Variants in EPHA2 observed in about 807,000 individuals in gnomAD.
EPHA2 encodes the protein EPH receptor A2, also known as ephrin type-A receptor 2.
EPHA2 carries 54 observed loss-of-function variants against 104.9 expected under a neutral mutation model. That is an observed-to-expected ratio of 0.51 (90% CI 0.41 to 0.65). EPHA2 has a LOEUF of 0.65. Among genes scored for constraint, EPHA2 ranks in the 30% least tolerant of loss-of-function variants. The pLI is 0.00. For missense variants in EPHA2, 1,117 were observed against 1,369.5 expected (o/e 0.82, Z 2.91); for synonymous variants, 560 against 559.1 (o/e 1.00, Z -0.02).
At chr1:16,137,733 TG>T in intron 5 of EPHA2, 119 bp downstream of exon 5, 1 of 1,225,756 alleles carries the variant, frequency 8.2e-7, no homozygotes, top group African/African-American at 1.5e-5. Flanking sequence ...CTAGACACTG[TG>T]CCTTTAACCA....
In EPHA2 at chr1:16,148,463, G is replaced by A. The variant is rs772677188; in HGVS notation, c.738C>T (p.His246=). ...VPPGGEEPRM[H]CAVDGEWLVP... is the part of the protein sequence containing the mutation. ...CCAGCCACTCGCCATCCACTGCACAGTGCATACGGGGCTCTTCACCCCCCG... is the reference window on the plus strand; with the variant it reads ...CCAGCCACTCGCCATCCACTGCACAATGCATACGGGGCTCTTCACCCCCCG... Residue 246 remains histidine, a synonymous_variant, in exon 3 of 17, where the codon CAC becomes CAT. Transcript: ENST00000358432. The surrounding 1 kb of genome is among the most constrained non-coding windows in gnomAD (Gnocchi z 4.9). 6 of 1,613,904 alleles carry A rather than the reference G, an allele frequency of 3.7e-6. No individual in the cohort carries two copies. Among genetic ancestry groups the A allele is most frequent in the Admixed American group, 3.3e-5 (2 of 60,032 alleles).
chr1:16,153,852 A>C (rs886286060), intron 1 of EPHA2, among the ~76,000 whole-genome samples: 64 of 151,972 alleles, frequency 4.2e-4, no homozygotes, highest in Non-Finnish European at 3.2e-4. Flanking sequence ...CCCACCACAT[A>C]CAGCCTGATT....
At chr1:16,140,984 C>T (rs1231555579) in intron 3 of EPHA2, among the ~76,000 whole-genome samples, 3 of 152,194 alleles carry the variant, frequency 2.0e-5, no homozygotes, top group Non-Finnish European at 4.4e-5. Flanking sequence ...CCTCCCACCT[C>T]GACTTCCCAC....
Position 16,138,154 on chromosome 1 carries a change from G to T in EPHA2, c.1011C>A (p.Ala337=). 6.2e-7 allele frequency: 1 copy of T among 1,609,108 alleles called. No individual in the cohort carries two copies. The highest frequency in any genetic ancestry group is 8.5e-7 in the Non-Finnish European group (1 of 1,179,872). ...GCTCCACCTTGGCACCCATGCCCAC[G>T]GCTGTGAGGTAGTGTGGGGCGGAGG... is the stretch of plus-strand genomic sequence containing the variant. ...RPPSAPHYLT[A]VGMGAKVELR... Residue 337 remains alanine, a synonymous_variant, in exon 5 of 17, where the codon GCC becomes GCA. Coordinates refer to ENST00000358432, the MANE Select transcript of EPHA2 (RefSeq NM_004431.5).
intron 1 of EPHA2, among the ~76,000 whole-genome samples, chr1:16,152,287 G>A (rs547085408): frequency 6.9e-4 from 105 of 152,290 alleles, no homozygotes; most frequent in African/African-American, 2.5e-3. Flanking sequence ...GATGGGAGCT[G>A]GGCTCTGAGG....
intron 5 of EPHA2, 148 bp downstream of exon 5, chr1:16,137,705 G>C (rs905678739): frequency 1.1e-5 from 10 of 891,502 alleles, no homozygotes; most frequent in Non-Finnish European, 1.7e-5. Flanking sequence ...TGTGGCCCAC[G>C]GGTTGGACAA....
Position 16,148,487 on chromosome 1 carries a change from C to T in EPHA2, c.714G>A (p.Pro238=), listed in dbSNP as rs36037949. ...AGTGCATACGGGGCTCTTCACCCCC[C>T]GGTGGCACCACGGCATGGTCCACAC... ...GTCVDHAVVP[P]GGEEPRMHCA... is the part of the protein sequence containing the mutation. The change falls in exon 3 of 17, where the codon CCG becomes CCA. Residue 238 remains proline (P), a synonymous_variant. Transcript: ENST00000358432. The surrounding 1 kb of genome is among the most constrained non-coding windows in gnomAD (Gnocchi z 4.9). 54 of 1,613,852 alleles carry T rather than the reference C, an allele frequency of 3.3e-5. No individual in the cohort carries two copies. The highest frequency in any genetic ancestry group is 2.2e-4 in the East Asian group (10 of 44,892).
chr1:16,149,467 C>A (rs1207062937), intron 2 of EPHA2, among the ~76,000 whole-genome samples: 1 of 152,216 alleles, frequency 6.6e-6, no homozygotes, highest in Non-Finnish European at 1.5e-5. Context: ...TACGGGCAGC[C>A]AGTATGATTA....
chr1:16,150,804 G>C lies in EPHA2; in HGVS notation c.153+92C>G, dbSNP rs2025019553. 1 of 1,414,974 alleles carries C rather than the reference G, an allele frequency of 7.1e-7. No homozygotes were observed. The highest frequency in any genetic ancestry group is 1.4e-5 in the African/African-American group (1 of 70,980). 87.7% of individuals were successfully genotyped at this position (1,414,974 alleles called of 1,614,324 possible). The stretch of plus-strand genomic sequence containing the variant: ...GGCTGAGCTGCTGAATTGAAGCCAG[G>C]CCCCACGCTCCCTGGGCCTCAGTTT... On this transcript the variant is annotated intron_variant, in intron 2 of 16. Coordinates refer to ENST00000358432, the MANE Select transcript of EPHA2 (RefSeq NM_004431.5). This position sits in a 1 kb window ranked among gnomAD's most constrained non-coding sequence, Gnocchi z 4.8.
rs2024515562 is a variant in EPHA2 at position 16,128,734 on chromosome 1, AG to A, written c.2825+699del. Among the ~76,000 whole-genome samples, 1 of 152,162 alleles carries A rather than the reference AG, an allele frequency of 6.6e-6. No homozygotes were observed. The highest frequency in any genetic ancestry group is 6.5e-5 in the Admixed American group (1 of 15,282). On this transcript the variant is annotated intron_variant, in intron 16 of 16. Coordinates refer to ENST00000358432, the MANE Select transcript of EPHA2 (RefSeq NM_004431.5). This position sits in a 1 kb window ranked among gnomAD's most constrained non-coding sequence, Gnocchi z 4.7. ...GTTGGGAAGGGGAGAAGAGCTGCCA[AG>A]GGGCAGCTTGACAAAGGGGCAAACC...
intron 3 of EPHA2, among the ~76,000 whole-genome samples, chr1:16,141,379 A>G (rs2024821611): frequency 6.6e-6 from 1 of 152,228 alleles, no homozygotes; most frequent in Non-Finnish European, 1.5e-5. Context: ...ATCCCTCCCC[A>G]TAACATATCT....
At chr1:16,132,538 T>C (rs1308246715) in intron 11 of EPHA2, 99 bp from the exon 12 acceptor site, 1 of 1,257,876 alleles carries the variant, frequency 7.9e-7, no homozygotes, top group East Asian at 2.5e-5. Context: ...GTAGGAGAGG[T>C]GGGCACAGGT....
chr1:16,133,198 C>A lies in EPHA2; in HGVS notation c.2035G>T (p.Glu679Ter). ...QFSHHNIIRL[E>*]GVISKYKPMM... ...GCCTCACATTTGGAGATGACGCCCT[C>A]TAGGCGGATGATGTTGTGGTGGCTG... Residue 679 changes from glutamate (E) to a stop codon, truncating the protein, a stop_gained, in exon 11 of 17, where the codon GAG (glutamate) becomes TAG (stop). Transcript: ENST00000358432. LOFTEE classifies it high-confidence loss of function. The A allele has an allele frequency of 6.2e-7, 1 of 1,613,632 alleles. No homozygotes were observed. The highest frequency in any genetic ancestry group is 1.3e-5 in the African/African-American group (1 of 74,960).
chr1:16,154,166 G>A (rs1332684188), intron 1 of EPHA2, among the ~76,000 whole-genome samples: 3 of 152,252 alleles, frequency 2.0e-5, no homozygotes, highest in Admixed American at 6.5e-5. Flanking sequence ...GGCAGCCGAG[G>A]AGAAAGGCCT....
chr1:16,125,388 G>A lies in EPHA2; in HGVS notation c.2826-68C>T. The A allele has an allele frequency of 2.7e-6, 1 of 376,144 alleles. No individual in the cohort carries two copies. Among genetic ancestry groups the A allele is most frequent in the Admixed American group, 3.0e-5 (1 of 33,506 alleles). 23.3% of individuals were successfully genotyped at this position (376,144 alleles called of 1,614,324 possible). ...AGGGGAGGGGGCCGGGCTGGGTGGG[G>A]ACAGGACTCGGTGGGCGGCTGGGGA... On this transcript the variant is annotated intron_variant, in intron 16 of 16. Transcript: ENST00000358432. This position sits in a 1 kb window ranked among gnomAD's most constrained non-coding sequence, Gnocchi z 4.9.
chr1:16,147,728 A>G (rs2024960845), intron 3 of EPHA2, among the ~76,000 whole-genome samples: 1 of 151,140 alleles, frequency 6.6e-6, no homozygotes, highest in South Asian at 2.1e-4. Context: ...CATTTTACAG[A>G]TGAGGAAACC....
chr1:16,149,333 T>C (rs2024995062), intron 2 of EPHA2, among the ~76,000 whole-genome samples: 1 of 152,286 alleles, frequency 6.6e-6, no homozygotes. Context: ...TTATGCTCTC[T>C]AAGCCGCAAT....
chr1:16,125,291 G>T lies in EPHA2; in HGVS notation c.2855C>A (p.Pro952His). 6.2e-7 allele frequency: 1 copy of T among 1,613,626 alleles called. No homozygotes were observed. The highest frequency in any genetic ancestry group is 8.5e-7 in the Non-Finnish European group (1 of 1,179,884). ...GTAGGCGATGCGCTTCTGGTGGCCG[G>T]GCAGCCGCACCCCAATCCTCTTGAT... ...DDIKRIGVRL[P>H]GHQKRIAYSL... Residue 952 changes from proline (P) to histidine (H), a missense_variant, in exon 17 of 17, where the codon CCC (proline) becomes CAC (histidine). Physicochemically the swap from Pro to His is moderately conservative, Grantham distance 77. Transcript: ENST00000358432. The surrounding 1 kb of genome is among the most constrained non-coding windows in gnomAD (Gnocchi z 4.9).
chr1:16,142,180 C>T (rs1403270109), intron 3 of EPHA2, among the ~76,000 whole-genome samples: 1 of 152,232 alleles, frequency 6.6e-6, no homozygotes, highest in Non-Finnish European at 1.5e-5. Context: ...TCCCAGACTG[C>T]CCAATTCCTG....
Sources: gnomAD v4.1 joint callset for allele counts (sites outside exome capture counted in the v4.1 genomes callset) on GRCh38, gnomAD v4.1.1 for gene constraint, Gnocchi (gnomAD v3.1) non-coding constraint, MANE v1.5 for transcripts, NCBI Gene and HGNC (gene_info 2026-07-23, HGNC 2026-07-21) for gene names.